Variants in AFG2A observed in about 807,000 individuals in gnomAD.
The protein encoded by AFG2A is ATPase family gene 2 protein homolog A.
chr4:122,947,275 C>T, the AFG2A span: 9 of 1,610,358 alleles, frequency 5.6e-6, no homozygotes, highest in African/African-American at 4.0e-5. Flanking sequence ...GGCCACAAAT[C>T]GCCCTCATGC....
chr4:122,938,189 G>A, the AFG2A span: 1 of 1,610,580 alleles, frequency 6.2e-7, no homozygotes, highest in Non-Finnish European at 8.5e-7. Context: ...AGGGGGCCCA[G>A]AATGAAGTGG....
chr4:123,313,647 GCAC>G, the AFG2A span, among the ~76,000 whole-genome samples: 2 of 152,192 alleles, frequency 1.3e-5, no homozygotes, highest in Non-Finnish European at 2.9e-5. Flanking sequence ...ATATCTTTTG[GCAC>G]TCCTGGTTCT....
the AFG2A span, among the ~76,000 whole-genome samples, chr4:123,039,965 A>G: frequency 6.6e-6 from 1 of 152,080 alleles, no homozygotes; most frequent in Non-Finnish European, 1.5e-5. Context: ...CTAGTACTCC[A>G]TTTTATGAGG....
the AFG2A span, among the ~76,000 whole-genome samples, chr4:123,251,666 A>G: frequency 1.3e-5 from 2 of 152,074 alleles, no homozygotes; most frequent in African/African-American, 4.8e-5. Context: ...AACATTTTCA[A>G]TTTTTTAAAT....
the AFG2A span, among the ~76,000 whole-genome samples, chr4:123,133,046 C>T: frequency 0.012 from 1,858 of 152,274 alleles, 36 homozygotes; most frequent in African/African-American, 0.042. Flanking sequence ...TCCCAAAGTG[C>T]TGGGATTACA....
chr4:123,009,209 T>C, the AFG2A span, among the ~76,000 whole-genome samples: 1 of 152,210 alleles, frequency 6.6e-6, no homozygotes, highest in Admixed American at 6.5e-5. Context: ...CCAGCAACTA[T>C]GTGTGACAAC....
chr4:122,941,970 C>A, the AFG2A span, among the ~76,000 whole-genome samples: 11 of 151,864 alleles, frequency 7.2e-5, no homozygotes, highest in Admixed American at 2.0e-4. Context: ...GCCTTGCATC[C>A]CAGGGATGAA....
the AFG2A span, among the ~76,000 whole-genome samples, chr4:123,166,626 C>T: frequency 4.6e-5 from 7 of 151,994 alleles, no homozygotes; most frequent in African/African-American, 1.5e-4. Flanking sequence ...CTATGGATTT[C>T]GTTGGTTATA....
At chr4:122,928,879 A>G in the AFG2A span, among the ~76,000 whole-genome samples, 10 of 152,318 alleles carry the variant, frequency 6.6e-5, no homozygotes, top group African/African-American at 2.4e-4. Flanking sequence ...AAAAAATGCA[A>G]TTTATCTTAT....
the AFG2A span, among the ~76,000 whole-genome samples, chr4:123,080,747 C>T: frequency 6.6e-6 from 1 of 151,886 alleles, no homozygotes; most frequent in South Asian, 2.1e-4. Context: ...TTTTTTCATC[C>T]GGTGACTCCA....
At chr4:123,210,320 T>C in the AFG2A span, among the ~76,000 whole-genome samples, 1 of 152,222 alleles carries the variant, frequency 6.6e-6, no homozygotes, top group African/African-American at 2.4e-5. Context: ...AACTTATTGC[T>C]CCTGTCTAAC....
the AFG2A span, among the ~76,000 whole-genome samples, chr4:123,118,462 C>G: frequency 3.3e-4 from 49 of 150,484 alleles, no homozygotes; most frequent in African/African-American, 1.1e-3. Context: ...CTGTTTCTTG[C>G]AGATCTTTTT....
chr4:123,089,777 G>A, the AFG2A span, among the ~76,000 whole-genome samples: 4 of 151,890 alleles, frequency 2.6e-5, no homozygotes, highest in Non-Finnish European at 4.4e-5. Flanking sequence ...TAGTAGAGAC[G>A]GGGTTTCGCC....
At chr4:123,253,509 G>T in the AFG2A span, among the ~76,000 whole-genome samples, 1 of 150,436 alleles carries the variant, frequency 6.6e-6, no homozygotes, top group Admixed American at 6.6e-5. Flanking sequence ...AAATAGCTGG[G>T]CATGGTGGTG....
chr4:123,130,716 A>G, the AFG2A span, among the ~76,000 whole-genome samples: 1 of 152,214 alleles, frequency 6.6e-6, no homozygotes, highest in Non-Finnish European at 1.5e-5. Flanking sequence ...ATGTTGCAGT[A>G]CACATTCACA....
the AFG2A span, among the ~76,000 whole-genome samples, chr4:123,264,663 C>T: frequency 6.6e-6 from 1 of 152,172 alleles, no homozygotes; most frequent in South Asian, 2.1e-4. Context: ...TACCACTCCC[C>T]TTTTCCCTTC....
the AFG2A span, among the ~76,000 whole-genome samples, chr4:122,932,096 G>A: frequency 1.3e-5 from 2 of 151,632 alleles, no homozygotes; most frequent in East Asian, 2.0e-4. Context: ...GTGAAACACC[G>A]CCTCTACAAA....
the AFG2A span, among the ~76,000 whole-genome samples, chr4:123,002,290 T>A: frequency 6.6e-5 from 10 of 152,134 alleles, no homozygotes; most frequent in African/African-American, 2.4e-4. Flanking sequence ...AATTGGAGCA[T>A]TTAGTCCATT....
chr4:123,102,041 A>C, the AFG2A span: 5 of 152,010 alleles, frequency 3.3e-5, no homozygotes, highest in Non-Finnish European at 7.4e-5. Flanking sequence ...TCTTTGATAT[A>C]TCATTCAAGC....
Sources: gnomAD v4.1 joint callset for allele counts (sites outside exome capture counted in the v4.1 genomes callset) on GRCh38, gnomAD v4.1.1 for gene constraint, MANE v1.5 for transcripts, NCBI Gene and HGNC (gene_info 2026-07-23, HGNC 2026-07-21) for gene names.